Variants in CGNL1 observed in about 807,000 individuals in gnomAD.
CGNL1 encodes the protein cingulin-like protein 1.
A neutral mutation model predicts 141.2 loss-of-function variants in CGNL1; 132 were observed. That is an observed-to-expected ratio of 0.93 (90% CI 0.81 to 1.08). The LOEUF is 1.08. CGNL1 is among the 50% of genes least tolerant of loss of function. The pLI is 0.00. For synonymous variants in CGNL1, 690 were observed against 622.1 expected (o/e 1.11, Z -1.63); for missense variants, 1,870 against 1,588.6 (o/e 1.18, Z -3.01).
intron 8 of CGNL1, among the ~76,000 whole-genome samples, chr15:57,511,942 C>T (rs1479356652): frequency 6.6e-6 from 1 of 152,216 alleles, no homozygotes. Context: ...TATGATGGTG[C>T]TTCCTCTCTA....
intron 4 of CGNL1, 83 bp downstream of exon 4, chr15:57,442,561 T>C: frequency 8.5e-6 from 7 of 824,966 alleles, no homozygotes; most frequent in Middle Eastern, 2.5e-4. Context: ...TCTGTATGTT[T>C]GTTTATAGCA....
intron 8 of CGNL1, among the ~76,000 whole-genome samples, chr15:57,497,062 G>GC (rs1206694809): frequency 6.6e-6 from 1 of 152,162 alleles, no homozygotes; most frequent in South Asian, 2.1e-4. Context: ...GGAGTCTGAC[G>GC]CCCCCGAGGC....
intron 8 of CGNL1, among the ~76,000 whole-genome samples, chr15:57,507,944 G>A (rs1034666026): frequency 1.3e-5 from 2 of 152,224 alleles, no homozygotes; most frequent in Admixed American, 6.5e-5. Context: ...AGTGAAGGCA[G>A]ATAGAAGTTA....
At chr15:57,388,289 T>C (rs555759986) in intron 1 of CGNL1, among the ~76,000 whole-genome samples, 26 of 149,028 alleles carry the variant, frequency 1.7e-4, no homozygotes, top group African/African-American at 6.7e-4. Flanking sequence ...TCCGGAGTTG[T>C]CATTAGAGGA....
At chr15:57,423,140 C>A (rs1331554612) in intron 1 of CGNL1, among the ~76,000 whole-genome samples, 1 of 152,162 alleles carries the variant, frequency 6.6e-6, no homozygotes, top group Non-Finnish European at 1.5e-5. Context: ...GCTTCTGCAA[C>A]TGGTTTTTGT....
chr15:57,407,239 C>G (rs1169037636), intron 1 of CGNL1: 1 of 152,206 alleles, frequency 6.6e-6, no homozygotes, highest in African/African-American at 2.4e-5. Context: ...GATGTTTGGA[C>G]ACCTTTTCCT....
intron 8 of CGNL1, among the ~76,000 whole-genome samples, chr15:57,497,333 G>A (rs1385765828): frequency 6.9e-6 from 1 of 145,842 alleles, no homozygotes; most frequent in Non-Finnish European, 1.5e-5. Context: ...CAAAGAACAG[G>A]CCTCGTTAGA....
At chr15:57,403,151 A>G (rs2062678226) in intron 1 of CGNL1, among the ~76,000 whole-genome samples, 1 of 152,086 alleles carries the variant, frequency 6.6e-6, no homozygotes, top group African/African-American at 2.4e-5. Flanking sequence ...ATTGCCAGCT[A>G]TTGACGAAGG....
At chr15:57,392,989 A>G (rs1595655011) in intron 1 of CGNL1, among the ~76,000 whole-genome samples, 1 of 152,284 alleles carries the variant, frequency 6.6e-6, no homozygotes, top group East Asian at 1.9e-4. Context: ...TGTTGGTGAG[A>G]TGAAAGAATT....
At chr15:57,460,496 A>C (rs192903079) in intron 7 of CGNL1, among the ~76,000 whole-genome samples, 14 of 152,198 alleles carry the variant, frequency 9.2e-5, no homozygotes, top group Admixed American at 9.2e-4. Flanking sequence ...TGATGTAAAG[A>C]TACTACCTGA....
At chr15:57,518,187 C>T (rs1315247948) in intron 9 of CGNL1, among the ~76,000 whole-genome samples, 2 of 152,158 alleles carry the variant, frequency 1.3e-5, no homozygotes, top group Non-Finnish European at 2.9e-5. Context: ...TGGATGTTCA[C>T]ACCTGCCTGA....
chr15:57,445,699 C>T (rs139662151), intron 4 of CGNL1, among the ~76,000 whole-genome samples: 1 of 152,184 alleles, frequency 6.6e-6, no homozygotes, highest in Non-Finnish European at 1.5e-5. Context: ...GTTTATCACA[C>T]ACAACTTGCA....
At chr15:57,394,967 C>CCA (rs1202943929) in intron 1 of CGNL1, among the ~76,000 whole-genome samples, 36 of 152,314 alleles carry the variant, frequency 2.4e-4, no homozygotes, top group African/African-American at 8.7e-4. Flanking sequence ...CAAAAATTAG[C>CCA]TGTGCATGGT....
chr15:57,479,795 G>A (rs190088245), intron 8 of CGNL1, among the ~76,000 whole-genome samples: 3 of 152,294 alleles, frequency 2.0e-5, no homozygotes, highest in Non-Finnish European at 4.4e-5. Context: ...GAGGCAGGAA[G>A]GAGAAAAGTG....
chr15:57,390,378 G>T (rs2062529273), intron 1 of CGNL1, among the ~76,000 whole-genome samples: 1 of 152,218 alleles, frequency 6.6e-6, no homozygotes, highest in African/African-American at 2.4e-5. Flanking sequence ...TTAAAGCTTT[G>T]GTCTATAAGC....
At position 57,531,688 on chromosome 15, in the gene CGNL1, A is replaced by C. The variant is rs1567173546; in HGVS notation, c.3202-2A>C. 6 of 1,604,856 alleles carry C rather than the reference A, an allele frequency of 3.7e-6. No homozygotes were observed. The highest frequency in any genetic ancestry group is 5.1e-6 in the Non-Finnish European group (6 of 1,171,536). On this transcript the variant is annotated splice_acceptor_variant, in intron 13 of 18. Transcript: ENST00000281282. LOFTEE classifies it high-confidence loss of function. ...CAACTGTGTTTGTGATTTCCTTCTT[A>C]GGACAAGGTGTCTCAACTGGAGATG...
chr15:57,380,844 G>A (rs565946999), intron 1 of CGNL1, among the ~76,000 whole-genome samples: 2 of 152,286 alleles, frequency 1.3e-5, no homozygotes, highest in South Asian at 2.1e-4. Context: ...GCTTAGTAGC[G>A]GCTACCTCCG....
chr15:57,473,791 A>G (rs1237265462), intron 8 of CGNL1, among the ~76,000 whole-genome samples: 1 of 151,808 alleles, frequency 6.6e-6, no homozygotes, highest in African/African-American at 2.4e-5. Flanking sequence ...GCCCCAGTCA[A>G]GCCTTCAGAT....
At chr15:57,542,190 G>A (rs1283739451) in intron 14 of CGNL1, among the ~76,000 whole-genome samples, 1 of 152,232 alleles carries the variant, frequency 6.6e-6, no homozygotes, top group Non-Finnish European at 1.5e-5. Flanking sequence ...TCACTGGGGT[G>A]CTTGTACAGG....
Sources: allele counts gnomAD v4.1 joint callset (sites outside exome capture counted in the v4.1 genomes callset), GRCh38; gene constraint gnomAD v4.1.1; transcripts MANE v1.5; gene names NCBI Gene and HGNC (gene_info 2026-07-23, HGNC 2026-07-21).